TLN2: variants seen among roughly 807,000 people sequenced by gnomAD.
TLN2 encodes talin 2.
Under a neutral mutation model 294.7 loss-of-function variants are expected in TLN2, and 118 were observed. That is an observed-to-expected ratio of 0.40 (90% CI 0.34 to 0.47). The LOEUF (loss-of-function observed/expected upper bound fraction) is 0.47. Ranked by LOEUF, TLN2 falls within the 20% of genes least tolerant of loss-of-function variation. The pLI, the probability that TLN2 is intolerant of heterozygous loss-of-function variation, is 0.84. For synonymous variants in TLN2, 1,431 were observed against 1,304.5 expected (o/e 1.10, Z -2.09); for missense variants, 3,083 against 3,282.2 (o/e 0.94, Z 1.48).
chr15:62,667,382 C>T (rs1463328715), intron 9 of TLN2, among the ~76,000 whole-genome samples: 1 of 152,164 alleles, frequency 6.6e-6, no homozygotes, highest in African/African-American at 2.4e-5. Context: ...GGTGATTCAA[C>T]AACACAGTTG....
At chr15:62,416,828 G>T (rs1011174972) in intron 1 of TLN2, among the ~76,000 whole-genome samples, 1 of 152,108 alleles carries the variant, frequency 6.6e-6, no homozygotes, top group African/African-American at 2.4e-5. Context: ...TAAGGGTGTT[G>T]ATCTTTGATA....
rs1356914454 is a variant in TLN2, at chr15:62,842,515, G to T, written c.*1905G>T. 1 of 152,166 alleles carries T rather than the reference G, an allele frequency of 6.6e-6. No homozygotes were observed. Among genetic ancestry groups the T allele is most frequent in the Non-Finnish European group, 1.5e-5 (1 of 68,156 alleles). The allele number at this position is 152,166 out of a possible 1,614,324, so 9.4% of individuals were successfully genotyped here. On this transcript the variant is annotated 3_prime_UTR_variant, in exon 59 of 59. Transcript: ENST00000636159. ...TCATGGCCTCCTGTAACAGGACTCT[G>T]GGGATCCCCTCTGTGGCCCAGCCCA...
intron 22 of TLN2, among the ~76,000 whole-genome samples, chr15:62,713,281 A>C (rs1255563679): frequency 1.3e-5 from 2 of 150,986 alleles, no homozygotes; most frequent in East Asian, 2.0e-4. Flanking sequence ...CAAAAAAAAA[A>C]AAAAAAAACA....
intron 22 of TLN2, among the ~76,000 whole-genome samples, chr15:62,713,285 A>AC (rs1415912821): frequency 5.9e-5 from 9 of 151,418 alleles, no homozygotes; most frequent in Non-Finnish European, 1.0e-4. Flanking sequence ...AAAAAAAAAA[A>AC]AAAACAAAAA....
rs1166046640 is a variant in TLN2, at chr15:62,491,351, TACACACACAC to T, written c.-237-98300_-237-98291del. On this transcript the variant is annotated intron_variant, in intron 1 of 58. Transcript: ENST00000636159. ...CAAAAAAAAAAAATATATATATATATACACACACACACACACACACACACACACACACACA... is the reference window on the plus strand; with the variant it reads ...CAAAAAAAAAAAATATATATATATATACACACACACACACACACACACACA... 3.4e-3 allele frequency among the ~76,000 whole-genome samples: 337 copies of T among 100,288 alleles called. 3 individuals carry two copies. Among genetic ancestry groups the T allele is most frequent in the Middle Eastern group, 0.011 (2 of 190 alleles). The allele number at this position is 100,288 out of a possible 152,430, so 65.8% of individuals were successfully genotyped here. A position where few individuals can be genotyped will look rare whatever the true frequency, so the allele number is the denominator to read the frequency against.
intron 55 of TLN2, 74 bp downstream of exon 55, chr15:62,833,703 A>G (rs2069129565): frequency 6.4e-7 from 1 of 1,564,716 alleles, no homozygotes; most frequent in South Asian, 1.2e-5. Context: ...AAAGAGCTAC[A>G]AGCTTTTGTC....
intron 58 of TLN2, among the ~76,000 whole-genome samples, chr15:62,840,110 C>T (rs1314568215): frequency 1.3e-5 from 2 of 152,190 alleles, no homozygotes; most frequent in Non-Finnish European, 2.9e-5. Context: ...AGTGGACCTA[C>T]ATTGCTCAGC....
intron 9 of TLN2, among the ~76,000 whole-genome samples, chr15:62,664,624 C>A (rs942254675): frequency 6.6e-6 from 1 of 151,702 alleles, no homozygotes; most frequent in Non-Finnish European, 1.5e-5. Context: ...TTTGGGAGGC[C>A]GAAGTGGGTG....
chr15:62,825,846 AATATAT>A (rs1567688204), intron 54 of TLN2, among the ~76,000 whole-genome samples: 12 of 80,484 alleles, frequency 1.5e-4, no homozygotes, highest in Admixed American at 2.0e-4. Flanking sequence ...AATATATATA[AATATAT>A]TATATATATA....
chr15:62,628,001 CACACAGGA>C (rs1352507787), intron 3 of TLN2, among the ~76,000 whole-genome samples: 2 of 152,160 alleles, frequency 1.3e-5, no homozygotes, highest in African/African-American at 4.8e-5. Flanking sequence ...AGGGCAAAAT[CACACAGGA>C]ACTGTCAACA....
intron 1 of TLN2, among the ~76,000 whole-genome samples, chr15:62,403,612 A>T (rs1343900945): frequency 6.6e-6 from 1 of 152,194 alleles, no homozygotes; most frequent in Non-Finnish European, 1.5e-5. Flanking sequence ...CATCTTCTAC[A>T]GGCTCTCCTC....
rs141877099 is a variant in TLN2 at position 62,491,234 on chromosome 15, A to G, written c.-237-98453A>G. Among the ~76,000 whole-genome samples the G allele has an allele frequency of 1.8e-3, 275 of 152,100 alleles. 3 individuals carry two copies. Among genetic ancestry groups the G allele is most frequent in the African/African-American group, 6.4e-3 (267 of 41,510 alleles). ...CTACTTGGGAGGCTGAGGCAGGAGA[A>G]TCATGTTGCTTGAACCTGGGAGGTG... On this transcript the variant is annotated intron_variant, in intron 1 of 58. Coordinates refer to ENST00000636159, the MANE Select transcript of TLN2 (RefSeq NM_015059.3).
intron 3 of TLN2, among the ~76,000 whole-genome samples, chr15:62,632,068 G>A (rs1419246387): frequency 6.6e-6 from 1 of 152,168 alleles, no homozygotes; most frequent in Non-Finnish European, 1.5e-5. Context: ...TAGAAGTTAT[G>A]TGTGCTCCCC....
intron 2 of TLN2, among the ~76,000 whole-genome samples, chr15:62,591,494 G>A (rs2046072626): frequency 6.6e-6 from 1 of 152,168 alleles, no homozygotes; most frequent in Non-Finnish European, 1.5e-5. Flanking sequence ...ATTCTATTGG[G>A]AACCTTGAGT....
At chr15:62,589,338 C>T (rs568416617) in intron 1 of TLN2, among the ~76,000 whole-genome samples, 7 of 152,264 alleles carry the variant, frequency 4.6e-5, no homozygotes, top group African/African-American at 1.7e-4. Context: ...TAAAAAGAAG[C>T]AGAGTGCAAT....
chr15:62,807,455 C>A (rs2066368126), intron 51 of TLN2, among the ~76,000 whole-genome samples: 1 of 152,208 alleles, frequency 6.6e-6, no homozygotes, highest in Non-Finnish European at 1.5e-5. Flanking sequence ...CCTGATTTCT[C>A]AGCCAGTCTG....
intron 1 of TLN2, among the ~76,000 whole-genome samples, chr15:62,570,812 T>G (rs1478789370): frequency 6.6e-6 from 1 of 152,182 alleles, no homozygotes; most frequent in Non-Finnish European, 1.5e-5. Context: ...AAAATTGCCC[T>G]TGGTTGAGAA....
chr15:62,724,831 G>A, intron 26 of TLN2, 145 bp from the exon 27 acceptor site: 3 of 1,086,474 alleles, frequency 2.8e-6, no homozygotes, highest in Non-Finnish European at 3.8e-6. Context: ...TGTTCTCTCA[G>A]AAAAAATACT....
intron 1 of TLN2, among the ~76,000 whole-genome samples, chr15:62,573,525 A>C (rs1340938627): frequency 6.6e-6 from 1 of 152,090 alleles, no homozygotes; most frequent in Non-Finnish European, 1.5e-5. Flanking sequence ...CCTGCTTTTC[A>C]TAGAGAACCC....
Sources: gnomAD v4.1 joint callset for allele counts (sites outside exome capture counted in the v4.1 genomes callset) on GRCh38, gnomAD v4.1.1 for gene constraint, MANE v1.5 for transcripts, NCBI Gene and HGNC (gene_info 2026-07-23, HGNC 2026-07-21) for gene names.